ATXN1: variants seen among roughly 807,000 people sequenced by gnomAD.
The protein encoded by ATXN1 is ataxin-1.
Under a neutral mutation model 56.4 loss-of-function variants are expected in ATXN1, and 8 were observed. The ratio of observed to expected loss-of-function variants is 0.14; its 90% CI spans 0.08 to 0.26. The LOEUF is 0.26. ATXN1 is among the 10% of genes least tolerant of loss of function. The pLI is 1.00. For missense variants in ATXN1, 987 were observed against 1,106.5 expected, an observed-to-expected ratio of 0.89 and a Z score of 1.53; for synonymous variants, 514 against 494.6, an observed-to-expected ratio of 1.04 and a Z score of -0.52.
chr6:16,713,339 G>A (rs1330846580), intron 2 of ATXN1, among the ~76,000 whole-genome samples: 1 of 152,198 alleles, frequency 6.6e-6, no homozygotes, highest in Admixed American at 6.5e-5. Flanking sequence ...TATAAAATTA[G>A]CTTACTCACT....
intron 6 of ATXN1, among the ~76,000 whole-genome samples, chr6:16,395,915 T>A (rs183446569): frequency 2.1e-5 from 3 of 145,760 alleles, no homozygotes; most frequent in African/African-American, 7.7e-5. Flanking sequence ...TTCGGGTGGC[T>A]GAGGCAGAAG....
intron 3 of ATXN1, among the ~76,000 whole-genome samples, chr6:16,626,620 A>G (rs1007786063): frequency 2.0e-5 from 3 of 152,130 alleles, no homozygotes; most frequent in Non-Finnish European, 4.4e-5. Flanking sequence ...TAATCAACTA[A>G]TGAATCAAGT....
chr6:16,564,721 A>G (rs1272126032), intron 4 of ATXN1, among the ~76,000 whole-genome samples: 1 of 152,194 alleles, frequency 6.6e-6, no homozygotes, highest in South Asian at 2.1e-4. Context: ...TTGGGGGAAA[A>G]TGGGAAGTGA....
intron 6 of ATXN1, among the ~76,000 whole-genome samples, chr6:16,425,828 G>A (rs1759141282): frequency 6.6e-6 from 1 of 152,156 alleles, no homozygotes; most frequent in Non-Finnish European, 1.5e-5. Context: ...AAACACGGCT[G>A]CAATATCAGG....
chr6:16,686,086 A>G (rs182198659), intron 2 of ATXN1, among the ~76,000 whole-genome samples: 10 of 152,342 alleles, frequency 6.6e-5, no homozygotes, highest in African/African-American at 2.2e-4. Flanking sequence ...ACAAAAATGC[A>G]AATTCTAAAA....
chr6:16,316,741 C>T (rs1006847720), intron 7 of ATXN1, among the ~76,000 whole-genome samples: 5 of 150,724 alleles, frequency 3.3e-5, no homozygotes, highest in Non-Finnish European at 5.9e-5. Context: ...TGCAAGACTC[C>T]GTCTTAAAAA....
At chr6:16,655,620 T>C (rs1758182660) in intron 3 of ATXN1, among the ~76,000 whole-genome samples, 2 of 152,224 alleles carry the variant, frequency 1.3e-5, no homozygotes, top group South Asian at 2.1e-4. Context: ...CAGTCTCATA[T>C]GGTCCCAGCA....
intron 2 of ATXN1, among the ~76,000 whole-genome samples, chr6:16,668,087 A>G (rs1164494253): frequency 6.6e-6 from 1 of 152,234 alleles, no homozygotes; most frequent in African/African-American, 2.4e-5. Context: ...GAAATCTCTC[A>G]AGGCAGTGCA....
chr6:16,552,425 G>T (rs1034952354), intron 4 of ATXN1, among the ~76,000 whole-genome samples: 5 of 152,170 alleles, frequency 3.3e-5, no homozygotes, highest in Non-Finnish European at 7.4e-5. Context: ...TGCTTCAAAA[G>T]AAAAAATATT....
At position 16,306,756 on chromosome 6, in the gene ATXN1, G is replaced by C. The variant is rs1476743957; in HGVS notation, c.2021C>G (p.Ser674Cys). The change falls in exon 8 of 8, where the codon TCC (serine) becomes TGC (cysteine). Residue 674 changes from serine to cysteine, a missense_variant. By Grantham distance (112) the Ser-to-Cys change is moderately radical (BLOSUM62 -1). Transcript: ENST00000436367. This position sits in a 1 kb window ranked among gnomAD's most constrained non-coding sequence, Gnocchi z 5.2. ...GCAGACATCCCCAACTGAGAGTTTG[G>C]AACACGGCAAATCAAAGAGCTGGCT... ...RTSQLFDLPCSKLSVGDVCIS... is the reference protein window; with the variant it reads ...RTSQLFDLPCCKLSVGDVCIS... The C allele has an allele frequency of 1.2e-6, 2 of 1,614,090 alleles. No individual in the cohort carries two copies. The highest frequency in any genetic ancestry group is 1.3e-5 in the African/African-American group (1 of 75,028).
intron 6 of ATXN1, among the ~76,000 whole-genome samples, chr6:16,402,242 G>GTTTTTTTTT: frequency 1.6e-5 from 1 of 62,120 alleles, no homozygotes; most frequent in Non-Finnish European, 2.9e-5. Flanking sequence ...ACCACTGACA[G>GTTTTTTTTT]TTTTTTTTTT....
intron 3 of ATXN1, among the ~76,000 whole-genome samples, chr6:16,657,222 C>T (rs764367989): frequency 6.6e-6 from 1 of 152,048 alleles, no homozygotes; most frequent in South Asian, 2.1e-4. Context: ...CTCCTGACCT[C>T]GTGATCCGCG....
At chr6:16,558,790 AATAAG>A (rs1762062394) in intron 4 of ATXN1, among the ~76,000 whole-genome samples, 1 of 152,164 alleles carries the variant, frequency 6.6e-6, no homozygotes, top group South Asian at 2.1e-4. Context: ...AAATCTGATA[AATAAG>A]ATGACTTTAA....
At chr6:16,406,322 A>G (rs1156556795) in intron 6 of ATXN1, among the ~76,000 whole-genome samples, 3 of 152,236 alleles carry the variant, frequency 2.0e-5, no homozygotes, top group Non-Finnish European at 2.9e-5. Context: ...AAAACTTTAA[A>G]TAAAGCTTTA....
At chr6:16,602,974 TGAG>T (rs1305495435) in intron 3 of ATXN1, among the ~76,000 whole-genome samples, 2 of 152,176 alleles carry the variant, frequency 1.3e-5, no homozygotes, top group Non-Finnish European at 2.9e-5. Flanking sequence ...ATAATAATTA[TGAG>T]ATAATGATAT....
Position 16,631,436 on chromosome 6 carries a change from T to C in ATXN1, c.-489+26340A>G, listed in dbSNP as rs979041781. On this transcript the variant is annotated intron_variant, in intron 3 of 7. Coordinates refer to ENST00000436367, the MANE Select transcript of ATXN1 (RefSeq NM_001128164.2). Reference sequence around the variant, plus strand: ...CACCTATATTTGCCCCTTGAGTCCCTTGAATATTGGTGCCACACTCTGCTC... The same window carrying C: ...CACCTATATTTGCCCCTTGAGTCCCCTGAATATTGGTGCCACACTCTGCTC... Among the ~76,000 whole-genome samples, 50 of 152,222 alleles carry C rather than the reference T, an allele frequency of 3.3e-4. 1 individual carries two copies. Among genetic ancestry groups the C allele is most frequent in the Admixed American group, 3.2e-3 (49 of 15,286 alleles).
chr6:16,606,788 G>A (rs1221666963), intron 3 of ATXN1, among the ~76,000 whole-genome samples: 4 of 150,496 alleles, frequency 2.7e-5, no homozygotes, highest in Admixed American at 1.3e-4. Context: ...TCAGCCTCCC[G>A]AAGTGCTGGG....
chr6:16,355,474 T>C (rs185048412), intron 6 of ATXN1, among the ~76,000 whole-genome samples: 85 of 152,152 alleles, frequency 5.6e-4, no homozygotes, highest in African/African-American at 2.0e-3. Context: ...ATGAGCTTGG[T>C]GGGGGAGGAG....
chr6:16,759,739 C>T (rs1761010115), intron 1 of ATXN1, among the ~76,000 whole-genome samples: 1 of 151,798 alleles, frequency 6.6e-6, no homozygotes. Flanking sequence ...GAGTCTCGAT[C>T]ACCACCCTAC....
Sources: gnomAD v4.1 joint callset for allele counts (sites outside exome capture counted in the v4.1 genomes callset) on GRCh38, gnomAD v4.1.1 for gene constraint, Gnocchi (gnomAD v3.1) non-coding constraint, MANE v1.5 for transcripts, NCBI Gene and HGNC (gene_info 2026-07-23, HGNC 2026-07-21) for gene names.